The following PPM1A variants were observed in gnomAD, a reference collection of about 807,000 sequenced individuals.
PPM1A encodes the protein protein phosphatase, Mg2+/Mn2+ dependent 1A, also known as protein phosphatase 1A.
A neutral mutation model predicts 35.0 loss-of-function variants in PPM1A; 7 were observed. That is an observed-to-expected ratio of 0.20 (90% confidence interval 0.11 to 0.38). The LOEUF is 0.38. Ranked by LOEUF, PPM1A falls within the 10% of genes least tolerant of loss-of-function variation. PPM1A has a pLI of 1.00. For missense variants in PPM1A, 239 were observed against 467.8 expected (o/e 0.51, Z 4.51); for synonymous variants, 153 against 167.3 (o/e 0.91, Z 0.66).
At chr14:60,257,868 G>A (rs1883315942) in intron 1 of PPM1A, among the ~76,000 whole-genome samples, 1 of 152,116 alleles carries the variant, frequency 6.6e-6, no homozygotes, top group African/African-American at 2.4e-5. Context: ...CCAGGCTTTA[G>A]AAAAACATCT....
chr14:60,285,408 G>A (rs934185912), intron 2 of PPM1A, among the ~76,000 whole-genome samples: 2 of 152,162 alleles, frequency 1.3e-5, no homozygotes, highest in Non-Finnish European at 2.9e-5. Flanking sequence ...GTCTTTTGGA[G>A]TATTGGTTAT....
rs557399011 is a variant in PPM1A, at chr14:60,252,023, T to C, written c.-21+2346T>C. Among the ~76,000 whole-genome samples the C allele has an allele frequency of 2.0e-5, 3 of 152,338 alleles. No individual in the cohort carries two copies. The East Asian group carries it at 5.8e-4, about 29-fold the overall frequency. ...TGAAAATTCTCTAATACCTCATTTG[T>C]TTTTGAAAGAAATCTATAGCAACAT... is the stretch of plus-strand genomic sequence containing the variant. On this transcript the variant is annotated intron_variant, in intron 1 of 5. Coordinates refer to ENST00000395076, the MANE Select transcript of PPM1A (RefSeq NM_021003.5).
At chr14:60,258,723 CT>C (rs1034800784) in intron 1 of PPM1A, among the ~76,000 whole-genome samples, 2 of 152,012 alleles carry the variant, frequency 1.3e-5, no homozygotes, top group Admixed American at 1.3e-4. Context: ...TCTGAAAATA[CT>C]TTTTCCTGCA....
At chr14:60,256,920 A>C (rs1250721175) in intron 1 of PPM1A, 7 of 152,174 alleles carry the variant, frequency 4.6e-5, no homozygotes, top group Non-Finnish European at 1.0e-4. Context: ...GAAGGGTATG[A>C]CTGTTGTTCC....
At chr14:60,254,392 AAG>A (rs1255759917) in intron 1 of PPM1A, among the ~76,000 whole-genome samples, 2 of 152,226 alleles carry the variant, frequency 1.3e-5, no homozygotes, top group South Asian at 2.1e-4. Flanking sequence ...ATTGCGGATA[AAG>A]AGTAACAGTA....
At chr14:60,280,284 G>A (rs1566595502) in intron 1 of PPM1A, among the ~76,000 whole-genome samples, 1 of 152,158 alleles carries the variant, frequency 6.6e-6, no homozygotes, top group South Asian at 2.1e-4. Context: ...GATTACAGGC[G>A]TGAGCCACCA....
At chr14:60,249,022 G>A (rs1030729291), upstream of PPM1A, among the ~76,000 whole-genome samples, 2 of 152,102 alleles carry the variant, frequency 1.3e-5, no homozygotes, top group African/African-American at 4.8e-5. This position sits in a 1 kb window ranked among gnomAD's most constrained non-coding sequence, Gnocchi z 4.5. Flanking sequence ...AAAGAAGCTG[G>A]GTAAGGCAGT....
rs570529060 is a variant in PPM1A, at chr14:60,282,503, A to T, written c.-20-181A>T. 6.6e-6 allele frequency among the ~76,000 whole-genome samples: 1 copy of T among 152,252 alleles called. No homozygotes were observed. Among genetic ancestry groups the T allele is most frequent in the South Asian group, 2.1e-4 (1 of 4,826 alleles). On this transcript the variant is annotated intron_variant, in intron 1 of 5. Transcript: ENST00000395076. This position sits in a 1 kb window ranked among gnomAD's most constrained non-coding sequence, Gnocchi z 5.1. ...TTTTGTCTGTTGTGATCTGTGCTTC[A>T]TCAGGCTTTCCCCCAGTTCCTCCTT...
At position 60,294,150 on chromosome 14, in the gene PPM1A, A is replaced by C. The variant is rs567199837; in HGVS notation, c.*1668A>C. ...TGGAAATATACATATTTGTATATAT[A>C]GCCTTAAAATTAATGTAAAGTTAGG... On this transcript the variant is annotated 3_prime_UTR_variant, in exon 6 of 6. Coordinates refer to ENST00000395076, the MANE Select transcript of PPM1A (RefSeq NM_021003.5). The C allele has an allele frequency of 3.9e-5, 6 of 151,942 alleles. No individual in the cohort carries two copies. Among genetic ancestry groups the C allele is most frequent in the Non-Finnish European group, 8.8e-5 (6 of 67,882 alleles). 9.4% of individuals were successfully genotyped at this position (151,942 alleles called of 1,614,324 possible). A position where few individuals can be genotyped will look rare whatever the true frequency, so the allele number is the denominator to read the frequency against.
At chr14:60,269,627 C>T (rs1298428244) in intron 1 of PPM1A, among the ~76,000 whole-genome samples, 1 of 152,146 alleles carries the variant, frequency 6.6e-6, no homozygotes, top group African/African-American at 2.4e-5. Context: ...AGGCTCACTG[C>T]AGCCTCCGCC....
Position 60,249,557 on chromosome 14 carries a change from C to T in PPM1A, c.-141C>T. 3 of 985,854 alleles carry T rather than the reference C, an allele frequency of 3.0e-6. No individual in the cohort carries two copies. The highest frequency in any genetic ancestry group is 3.6e-6 in the Non-Finnish European group (3 of 830,034). The allele number at this position is 985,854 out of a possible 1,614,324, so 61.1% of individuals were successfully genotyped here. ...GCCCCTTCCCCAGCCTGACCTGGCC[C>T]GCCGCTGCAGCGGTGACCCCTCCCC... On this transcript the variant is annotated 5_prime_UTR_variant, in exon 1 of 6. Transcript: ENST00000395076. The surrounding 1 kb of genome is among the most constrained non-coding windows in gnomAD (Gnocchi z 4.5).
rs1887634411 is a variant in PPM1A, at chr14:60,291,539, C to T, written c.1119+85C>T. On this transcript the variant is annotated intron_variant, in intron 5 of 5. Transcript: ENST00000395076. ...TCCTACCTGTTTTTGCAGAGCTGTT[C>T]ACTGTACCCATTCTCTTACACACAC... is the stretch of plus-strand genomic sequence containing the variant. 5.4e-6 allele frequency: 6 copies of T among 1,114,674 alleles called. No individual in the cohort carries two copies. The Admixed American group carries it at 6.5e-5, about 12-fold the overall frequency. The allele number at this position is 1,114,674 out of a possible 1,614,324, so 69.0% of individuals were successfully genotyped here. A position where few individuals can be genotyped will look rare whatever the true frequency, so the allele number is the denominator to read the frequency against.
Position 60,294,817 on chromosome 14 carries a change from G to A in PPM1A, c.*2335G>A, listed in dbSNP as rs1274771060. The A allele has an allele frequency of 6.6e-6, 1 of 151,700 alleles. No individual in the cohort carries two copies. The highest frequency in any genetic ancestry group is 1.9e-4 in the East Asian group (1 of 5,192). The allele number at this position is 151,700 out of a possible 1,614,324, so 9.4% of individuals were successfully genotyped here. A position where few individuals can be genotyped will look rare whatever the true frequency, so the allele number is the denominator to read the frequency against. On this transcript the variant is annotated 3_prime_UTR_variant, in exon 6 of 6. Transcript: ENST00000395076. ...ACACGAGAGAGAACCGTATTTGAGT[G>A]ATGTGAGAAGACTAAATCTTTTCCA...
rs952653395 is a variant in PPM1A, at chr14:60,291,415, C to T, written c.1080C>T (p.Ala360=). 8.9e-6 allele frequency: 14 copies of T among 1,570,926 alleles called. No individual in the cohort carries two copies. The highest frequency in any genetic ancestry group is 2.3e-5 in the East Asian group (1 of 42,956). The part of the protein sequence containing the change: ...ELASKRNVIE[A]VYNRLNPYKN... ...CACTTAGGAGGAATGTTATTGAAGC[C>T]GTTTACAATAGACTGAATCCTTACA... The change falls in exon 5 of 6, where the codon GCC becomes GCT. Residue 360 remains alanine, a synonymous_variant. Coordinates refer to ENST00000395076, the MANE Select transcript of PPM1A (RefSeq NM_021003.5).
chr14:60,276,085 T>C (rs1885723822), intron 1 of PPM1A, among the ~76,000 whole-genome samples: 1 of 152,222 alleles, frequency 6.6e-6, no homozygotes, highest in African/African-American at 2.4e-5. Flanking sequence ...CTTAATACTC[T>C]ATTGTTCCAT....
chr14:60,280,194 C>T (rs757185384), intron 1 of PPM1A, among the ~76,000 whole-genome samples: 13 of 151,968 alleles, frequency 8.6e-5, no homozygotes, highest in East Asian at 1.9e-4. Context: ...TTAGTAGAGA[C>T]GGGGTTTCAC....
rs756562860 is a variant in PPM1A at position 60,291,392 on chromosome 14, C to T, written c.1062-5C>T. ...AATTAATTTTCTGCATTTTTTTACACTTAGGAGGAATGTTATTGAAGCCGT... is the reference window on the plus strand; with the variant it reads ...AATTAATTTTCTGCATTTTTTTACATTTAGGAGGAATGTTATTGAAGCCGT... On this transcript the variant is annotated splice_polypyrimidine_tract_variant and splice_region_variant and intron_variant, in intron 4 of 5. Transcript: ENST00000395076. 3 of 1,547,200 alleles carry T rather than the reference C, an allele frequency of 1.9e-6. No individual in the cohort carries two copies. The highest frequency in any genetic ancestry group is 2.6e-6 in the Non-Finnish European group (3 of 1,139,760).
chr14:60,287,555 C>G (rs1480608433), intron 3 of PPM1A: 1 of 985,082 alleles, frequency 1.0e-6, no homozygotes, highest in African/African-American at 1.7e-5. Flanking sequence ...ATGCCTTTTT[C>G]TTTTCTCTCT....
In PPM1A at chr14:60,296,824, G is replaced by A; in HGVS notation, c.*4342G>A. 1 of 320,434 alleles carries A rather than the reference G, an allele frequency of 3.1e-6. No homozygotes were observed. The highest frequency in any genetic ancestry group is 4.1e-5 in the East Asian group (1 of 24,336). The allele number at this position is 320,434 out of a possible 1,614,324, so 19.8% of individuals were successfully genotyped here. A position where few individuals can be genotyped will look rare whatever the true frequency, so the allele number is the denominator to read the frequency against. On this transcript the variant is annotated 3_prime_UTR_variant, in exon 6 of 6. Coordinates refer to ENST00000395076, the MANE Select transcript of PPM1A (RefSeq NM_021003.5). The surrounding 1 kb of genome is among the most constrained non-coding windows in gnomAD (Gnocchi z 4.4). ...CTCAATAGAAATGATGAGAGGCATT[G>A]GTTCCAATTCATTGTCAAATGAACG... is the stretch of plus-strand genomic sequence containing the variant.
Sources: gnomAD v4.1 joint callset for allele counts (sites outside exome capture counted in the v4.1 genomes callset) on GRCh38, gnomAD v4.1.1 for gene constraint, Gnocchi (gnomAD v3.1) non-coding constraint, MANE v1.5 for transcripts, NCBI Gene and HGNC (gene_info 2026-07-23, HGNC 2026-07-21) for gene names.